The following CAPN5 variants were observed in gnomAD, a reference collection of about 807,000 sequenced individuals.
The protein encoded by CAPN5 is calpain-5.
Under a neutral mutation model 73.0 loss-of-function variants are expected in CAPN5, and 54 were observed. The observed-to-expected ratio is 0.74, with a 90% CI of 0.59 to 0.93. The LOEUF (loss-of-function observed/expected upper bound fraction) is 0.93. CAPN5 is among the 40% of genes least tolerant of loss of function. The probability of loss-of-function intolerance (pLI) is 0.00; values close to 1 mark genes in which losing one functional copy is unlikely to be tolerated. For missense variants in CAPN5, 785 were observed against 882.9 expected, an observed-to-expected ratio of 0.89 and a Z score of 1.41; for synonymous variants, 335 against 356.9, an observed-to-expected ratio of 0.94 and a Z score of 0.69.
At chr11:77,094,942 T>G (rs1950192049) in intron 3 of CAPN5, among the ~76,000 whole-genome samples, 1 of 152,218 alleles carries the variant, frequency 6.6e-6, no homozygotes. Flanking sequence ...GAGGGAGCAG[T>G]GCCCTTGGGC....
chr11:77,107,520 CTG>C (rs1210990470), intron 3 of CAPN5, among the ~76,000 whole-genome samples: 1 of 152,202 alleles, frequency 6.6e-6, no homozygotes, highest in Non-Finnish European at 1.5e-5. Context: ...CTTCTCCACT[CTG>C]TCGCACAGCT....
chr11:77,071,387 G>A (rs2135404119), intron 1 of CAPN5, among the ~76,000 whole-genome samples: 1 of 152,322 alleles, frequency 6.6e-6, no homozygotes, highest in South Asian at 2.1e-4. Context: ...CAGCGTGCTG[G>A]GCCTTTCAGG....
At chr11:77,121,404 C>T (rs371251445) in intron 10 of CAPN5, among the ~76,000 whole-genome samples, 12 of 152,360 alleles carry the variant, frequency 7.9e-5, no homozygotes, top group East Asian at 3.9e-4. Flanking sequence ...CTGTGCGTCC[C>T]GCACTGCCCT....
intron 3 of CAPN5, among the ~76,000 whole-genome samples, 167 bp downstream of exon 3, chr11:77,093,980 C>T (rs534916716): frequency 6.6e-6 from 1 of 152,370 alleles, no homozygotes; most frequent in East Asian, 1.9e-4. Flanking sequence ...AATTGCCATC[C>T]CTCACCCTTC....
intron 7 of CAPN5, 46 bp downstream of exon 7, chr11:77,116,349 C>A: frequency 6.6e-7 from 1 of 1,516,418 alleles, no homozygotes; most frequent in South Asian, 1.2e-5. Flanking sequence ...GGGGGCTTCC[C>A]ACGGGCCTGG....
chr11:77,068,838 G>A (rs11237075), intron 1 of CAPN5, among the ~76,000 whole-genome samples: 23 of 152,176 alleles, frequency 1.5e-4, no homozygotes, highest in African/African-American at 5.6e-4. Flanking sequence ...AGGTAGGTGG[G>A]GCTGCCTCTG....
chr11:77,108,846 G>A (rs554580070), intron 3 of CAPN5, among the ~76,000 whole-genome samples: 2 of 152,056 alleles, frequency 1.3e-5, no homozygotes, highest in East Asian at 1.9e-4. Flanking sequence ...TAGGTTTTAC[G>A]GTTTGTTTGA....
At chr11:77,088,371 C>A (rs1474256325) in intron 2 of CAPN5, among the ~76,000 whole-genome samples, 2 of 152,012 alleles carry the variant, frequency 1.3e-5, no homozygotes, top group Admixed American at 6.5e-5. Context: ...CAGTTTGCAG[C>A]AAGGCCTGGC....
chr11:77,090,298 C>T (rs1950135639), intron 2 of CAPN5, among the ~76,000 whole-genome samples: 1 of 152,200 alleles, frequency 6.6e-6, no homozygotes, highest in African/African-American at 2.4e-5. Flanking sequence ...CACGATTGCC[C>T]CCAGGTTCCT....
intron 1 of CAPN5, among the ~76,000 whole-genome samples, chr11:77,077,380 C>G (rs545599466): frequency 7.4e-4 from 113 of 151,762 alleles, no homozygotes; most frequent in African/African-American, 2.7e-3. Flanking sequence ...TTAAAAAAGT[C>G]TTTTTTTATA....
intron 5 of CAPN5, among the ~76,000 whole-genome samples, chr11:77,114,751 G>A (rs1352291746): frequency 6.6e-6 from 1 of 152,210 alleles, no homozygotes; most frequent in Non-Finnish European, 1.5e-5. Context: ...TGAAAGCCAA[G>A]TTCAAACCCA....
chr11:77,111,908 G>A (rs1403324664), intron 3 of CAPN5, among the ~76,000 whole-genome samples: 1 of 152,088 alleles, frequency 6.6e-6, no homozygotes, highest in Non-Finnish European at 1.5e-5. Context: ...TGAGTAATGA[G>A]GAGAAGGAAG....
chr11:77,093,316 A>G (rs1301466603), intron 2 of CAPN5, among the ~76,000 whole-genome samples: 1 of 152,144 alleles, frequency 6.6e-6, no homozygotes, highest in African/African-American at 2.4e-5. Context: ...CTGGTGCTAG[A>G]GAAGGAAGGG....
intron 10 of CAPN5, among the ~76,000 whole-genome samples, 186 bp from the exon 11 acceptor site, chr11:77,121,748 G>C (rs1950522358): frequency 6.6e-6 from 1 of 152,208 alleles, no homozygotes; most frequent in African/African-American, 2.4e-5. Context: ...GATAGGGATA[G>C]AGAAGGCAGG....
chr11:77,078,909 T>C (rs1950000462), intron 1 of CAPN5, among the ~76,000 whole-genome samples: 2 of 152,148 alleles, frequency 1.3e-5, no homozygotes, highest in African/African-American at 4.8e-5. Flanking sequence ...ATGCTACTGA[T>C]TTCTGTGTAT....
chr11:77,120,820 C>G lies in CAPN5; in HGVS notation c.1398C>G (p.Gly466=), dbSNP rs370697449. Residue 466 remains glycine, a synonymous_variant, in exon 10 of 13, where the codon GGC becomes GGG. Transcript: ENST00000648180. ...TCCTGCGCACCGACCAGCCCGAGGG[C>G]CGCTATGTCATCATCCCCACAACCT... is the stretch of plus-strand genomic sequence containing the variant. ...SVFLRTDQPE[G]RYVIIPTTFE... is the part of the protein sequence containing the mutation. The G allele has an allele frequency of 1.9e-6, 3 of 1,614,206 alleles. No homozygotes were observed. In the African/African-American group the frequency reaches 4.0e-5, roughly 22 times the overall value.
chr11:77,098,508 C>A (rs1402531994), intron 3 of CAPN5, among the ~76,000 whole-genome samples: 15 of 99,822 alleles, frequency 1.5e-4, no homozygotes, highest in African/African-American at 5.3e-4. Context: ...GAGGGCTGAC[C>A]CCCCCACCTC....
In CAPN5 at chr11:77,068,815, C is replaced by T. The variant is rs74819917; in HGVS notation, c.-36+1721C>T. ...GGGGCTAAGGGGCTACACAGGGTCC[C>T]AGTGCTGGGGGAAGGTAGGTGGGGC... On this transcript the variant is annotated intron_variant, in intron 1 of 12. Transcript: ENST00000648180. 4.7e-3 allele frequency among the ~76,000 whole-genome samples: 717 copies of T among 152,130 alleles called. 2 individuals carry two copies. Among genetic ancestry groups the T allele is most frequent in the African/African-American group, 0.016 (667 of 41,494 alleles).
At chr11:77,068,211 G>T (rs1302279946) in intron 1 of CAPN5, among the ~76,000 whole-genome samples, 1 of 152,158 alleles carries the variant, frequency 6.6e-6, no homozygotes, top group Non-Finnish European at 1.5e-5. Flanking sequence ...GGGTGGGGTG[G>T]TGTGGCTGCC....
Sources: allele counts gnomAD v4.1 joint callset (sites outside exome capture counted in the v4.1 genomes callset), GRCh38; gene constraint gnomAD v4.1.1; transcripts MANE v1.5; gene names NCBI Gene and HGNC (gene_info 2026-07-23, HGNC 2026-07-21).